Variants in IQSEC1 observed in about 807,000 individuals in gnomAD.
IQSEC1 encodes IQ motif and SEC7 domain-containing protein 1.
IQSEC1 carries 31 observed loss-of-function variants against 91.0 expected under a neutral mutation model. That is an observed-to-expected ratio of 0.34 (90% confidence interval 0.26 to 0.46). The LOEUF (loss-of-function observed/expected upper bound fraction) is 0.46, where lower values mean the gene tolerates loss of function less well. IQSEC1 is among the 20% of genes least tolerant of loss of function. The probability of loss-of-function intolerance (pLI) is 1.00; values close to 1 mark genes in which losing one functional copy is unlikely to be tolerated. For missense variants in IQSEC1, 1,388 were observed against 1,575.6 expected, an observed-to-expected ratio of 0.88 and a Z score of 2.02; for synonymous variants, 699 against 662.6, an observed-to-expected ratio of 1.05 and a Z score of -0.84.
chr3:12,979,483 G>A lies in IQSEC1; in HGVS notation c.24-37618C>T, dbSNP rs949839409. ...GCTGGATTTGGGTTACAAAAAAGGC[G>A]GACACATGCACGCAGCACGCGCACA... is the stretch of plus-strand genomic sequence containing the variant. On this transcript the variant is annotated intron_variant, in intron 1 of 13. Coordinates refer to ENST00000613206, the MANE Select transcript of IQSEC1 (RefSeq NM_001134382.3). This position sits in a 1 kb window ranked among gnomAD's most constrained non-coding sequence, Gnocchi z 4.3. Among the ~76,000 whole-genome samples the A allele has an allele frequency of 3.3e-5, 5 of 152,150 alleles. No individual in the cohort carries two copies. The highest frequency in any genetic ancestry group is 7.2e-5 in the African/African-American group (3 of 41,438).
chr3:13,150,266 G>A (rs1012134042), intron 2 of IQSEC1, among the ~76,000 whole-genome samples: 1 of 152,124 alleles, frequency 6.6e-6, no homozygotes, highest in South Asian at 2.1e-4. Flanking sequence ...GAAATTATAC[G>A]GACAAGATCA....
intron 1 of IQSEC1, among the ~76,000 whole-genome samples, chr3:13,270,191 G>T (rs1343083644): frequency 6.6e-6 from 1 of 152,190 alleles, no homozygotes; most frequent in Non-Finnish European, 1.5e-5. Flanking sequence ...GAACCACCCA[G>T]CCAAGCACTG....
chr3:13,250,936 G>A (rs1007793344), intron 1 of IQSEC1, among the ~76,000 whole-genome samples: 5 of 152,190 alleles, frequency 3.3e-5, no homozygotes, highest in African/African-American at 1.2e-4. Context: ...CAGGGCTCCA[G>A]GTCCCCATCG....
At position 12,900,122 on chromosome 3, in the gene IQSEC1, C is replaced by T. The variant is rs1348886320; in HGVS notation, c.*861G>A. 21 of 974,864 alleles carry T rather than the reference C, an allele frequency of 2.2e-5. No individual in the cohort carries two copies. Among genetic ancestry groups the T allele is most frequent in the Admixed American group, 6.2e-5 (1 of 16,246 alleles). The allele number at this position is 974,864 out of a possible 1,614,324, so 60.4% of individuals were successfully genotyped here. ...TTAGCTATTTGCTTACCTGAAATAA[C>T]AGCATTATAATACTATTTATGATAG... On this transcript the variant is annotated 3_prime_UTR_variant, in exon 14 of 14. Transcript: ENST00000613206.
At chr3:12,903,437 T>C (rs1181183791) in intron 12 of IQSEC1, among the ~76,000 whole-genome samples, 1 of 152,158 alleles carries the variant, frequency 6.6e-6, no homozygotes, top group East Asian at 1.9e-4. Context: ...GGAGACAGGG[T>C]TGGGGACTGC....
At chr3:13,247,429 G>A (rs111440848) in intron 1 of IQSEC1, among the ~76,000 whole-genome samples, 3,556 of 152,266 alleles carry the variant, frequency 0.023, 109 homozygotes, top group African/African-American at 0.078. Flanking sequence ...TGAATGTTGC[G>A]GCTGCTGTGG....
At chr3:12,963,521 G>A (rs907331214) in intron 1 of IQSEC1, among the ~76,000 whole-genome samples, 3 of 152,236 alleles carry the variant, frequency 2.0e-5, no homozygotes, top group African/African-American at 7.2e-5. Flanking sequence ...TGATGATGGT[G>A]ATAACAGCTA....
At chr3:13,083,652 G>T (rs1705685038) in intron 2 of IQSEC1, among the ~76,000 whole-genome samples, 1 of 152,278 alleles carries the variant, frequency 6.6e-6, no homozygotes, top group South Asian at 2.1e-4. Flanking sequence ...GGGTCTCTAG[G>T]CAGCCTTGCT....
intron 1 of IQSEC1, among the ~76,000 whole-genome samples, chr3:13,202,258 A>C (rs1374273301): frequency 6.6e-6 from 1 of 152,248 alleles, no homozygotes; most frequent in Non-Finnish European, 1.5e-5. Flanking sequence ...TCCTCAAAAA[A>C]TTAAGCACAG....
At chr3:13,043,255 T>C (rs1704356434) in intron 1 of IQSEC1, among the ~76,000 whole-genome samples, 1 of 152,150 alleles carries the variant, frequency 6.6e-6, no homozygotes, top group Admixed American at 6.5e-5. Context: ...CCAGGGGACC[T>C]GGCAGTCACA....
chr3:12,985,801 C>T (rs1292016513), intron 1 of IQSEC1, among the ~76,000 whole-genome samples: 2 of 152,214 alleles, frequency 1.3e-5, no homozygotes, highest in Non-Finnish European at 2.9e-5. Flanking sequence ...ATAGTCTTCA[C>T]TGCATATTCT....
upstream of IQSEC1, among the ~76,000 whole-genome samples, chr3:13,073,543 T>C (rs1183593573): frequency 6.6e-6 from 1 of 151,640 alleles, no homozygotes; most frequent in Non-Finnish European, 1.5e-5. Flanking sequence ...AACAGCAGCA[T>C]CAGGCGCGGC....
intron 1 of IQSEC1, among the ~76,000 whole-genome samples, chr3:13,186,626 T>C (rs1200059546): frequency 6.6e-6 from 1 of 152,162 alleles, no homozygotes; most frequent in African/African-American, 2.4e-5. Flanking sequence ...CAGAGGCCCA[T>C]CTGGAGATCT....
chr3:12,933,342 A>G (rs1225908286), intron 3 of IQSEC1, among the ~76,000 whole-genome samples: 1 of 152,246 alleles, frequency 6.6e-6, no homozygotes. Context: ...CAACTGGCCA[A>G]ATAACCTATA....
intron 1 of IQSEC1, among the ~76,000 whole-genome samples, chr3:13,264,109 G>A (rs982892739): frequency 1.3e-4 from 20 of 152,154 alleles, no homozygotes; most frequent in African/African-American, 3.6e-4. Context: ...GGACGGCGCC[G>A]GCCAGGCCAC....
intron 2 of IQSEC1, among the ~76,000 whole-genome samples, chr3:13,086,217 T>C (rs955181747): frequency 1.3e-5 from 2 of 152,158 alleles, no homozygotes; most frequent in African/African-American, 4.8e-5. Context: ...AGTTCCTATA[T>C]GGAAAATGGG....
intron 1 of IQSEC1, among the ~76,000 whole-genome samples, chr3:13,002,566 GAACTGAGA>G (rs1269385795): frequency 4.8e-5 from 7 of 144,664 alleles, no homozygotes; most frequent in East Asian, 2.0e-4. Flanking sequence ...AAAAAAAAAG[GAACTGAGA>G]AACTGAGAAA....
At chr3:12,950,595 C>G (rs1470544803) in intron 1 of IQSEC1, among the ~76,000 whole-genome samples, 1 of 151,938 alleles carries the variant, frequency 6.6e-6, no homozygotes, top group East Asian at 1.9e-4. Context: ...TCACTTGAGG[C>G]CAGGAGTTGA....
At chr3:13,280,011 T>G (rs1270457491) in intron 1 of IQSEC1, among the ~76,000 whole-genome samples, 1 of 152,266 alleles carries the variant, frequency 6.6e-6, no homozygotes, top group Non-Finnish European at 1.5e-5. Flanking sequence ...GAATCTGACC[T>G]GCATTAAGCA....
Sources: allele counts gnomAD v4.1 joint callset (sites outside exome capture counted in the v4.1 genomes callset), GRCh38; gene constraint gnomAD v4.1.1; non-coding constraint Gnocchi (gnomAD v3.1); transcripts MANE v1.5; gene names NCBI Gene and HGNC (gene_info 2026-07-23, HGNC 2026-07-21).